The following EIF4G3 variants were observed in gnomAD, a reference collection of about 807,000 sequenced individuals.
EIF4G3 encodes the protein eukaryotic translation initiation factor 4 gamma 3.
Under a neutral mutation model 186.4 loss-of-function variants are expected in EIF4G3, and 34 were observed. The observed-to-expected ratio is 0.18, with a 90% CI of 0.14 to 0.24. EIF4G3 has a LOEUF of 0.24. Ranked by LOEUF, EIF4G3 falls within the 10% of genes least tolerant of loss-of-function variation. The pLI is 1.00. For missense variants in EIF4G3, 1,536 were observed against 1,948.5 expected (o/e 0.79, Z 3.99); for synonymous variants, 673 against 679.5 (o/e 0.99, Z 0.15).
In EIF4G3 at chr1:20,817,524, T is replaced by A. The variant is rs770505543; in HGVS notation, c.4383A>T (p.Ile1461=). 6.3e-7 allele frequency: 1 copy of A among 1,595,086 alleles called. No homozygotes were observed. Among genetic ancestry groups the A allele is most frequent in the Non-Finnish European group, 8.5e-7 (1 of 1,170,078 alleles). ...CAGAGGAACAGGGACTGTCAGACTC[T>A]ATGAAGTCCAACTTCTGAAACATAA... ...NFLLEQKLDF[I]ESDSPCSSEA... The change falls in exon 34 of 37, where the codon ATA becomes ATT. Residue 1461 remains isoleucine, a synonymous_variant. Transcript: ENST00000602326.
chr1:21,020,727 C>T (rs2090481337), intron 4 of EIF4G3, among the ~76,000 whole-genome samples: 1 of 151,980 alleles, frequency 6.6e-6, no homozygotes, highest in Admixed American at 6.6e-5. Flanking sequence ...AAATATAAAT[C>T]CCATTAAATA....
chr1:21,048,670 T>G (rs964466), intron 4 of EIF4G3, among the ~76,000 whole-genome samples: 59,847 of 151,828 alleles, frequency 0.39, 12,496 homozygotes, highest in Middle Eastern at 0.53. Context: ...CTAAGAAACC[T>G]CCCTGCGAAC....
At chr1:20,831,119 A>G (rs202128617) in intron 30 of EIF4G3, among the ~76,000 whole-genome samples, 7 of 151,868 alleles carry the variant, frequency 4.6e-5, no homozygotes, top group Non-Finnish European at 1.0e-4. Context: ...GGAAAAAACC[A>G]CAGCCACTGG....
At chr1:20,911,226 C>T (rs1572640921) in intron 14 of EIF4G3, among the ~76,000 whole-genome samples, 1 of 151,756 alleles carries the variant, frequency 6.6e-6, no homozygotes. Context: ...CATTTTATAC[C>T]CGAAAAAACG....
At chr1:20,878,090 C>T (rs534555669) in intron 20 of EIF4G3, among the ~76,000 whole-genome samples, 4 of 152,286 alleles carry the variant, frequency 2.6e-5, no homozygotes, top group East Asian at 1.9e-4. Context: ...TGGTCTCAAA[C>T]TCCTGATCTC....
chr1:21,004,362 G>A (rs1419200869), intron 4 of EIF4G3, among the ~76,000 whole-genome samples: 1 of 152,044 alleles, frequency 6.6e-6, no homozygotes, highest in African/African-American at 2.4e-5. Context: ...TATACTGTGT[G>A]CTACTGAATA....
chr1:21,075,727 A>G (rs2095571337), intron 3 of EIF4G3, among the ~76,000 whole-genome samples: 1 of 152,026 alleles, frequency 6.6e-6, no homozygotes. Flanking sequence ...TGTAAAACAG[A>G]CAGAAAAGGT....
chr1:21,079,349 G>C (rs1289028585), intron 3 of EIF4G3, among the ~76,000 whole-genome samples: 2 of 151,954 alleles, frequency 1.3e-5, no homozygotes, highest in African/African-American at 2.4e-5. Flanking sequence ...AAAGAATCAA[G>C]ATTTTATAAA....
At chr1:20,815,027 C>T (rs1167797849) in intron 34 of EIF4G3, among the ~76,000 whole-genome samples, 8 of 74,348 alleles carry the variant, frequency 1.1e-4, no homozygotes, top group African/African-American at 3.9e-4. Flanking sequence ...GCGAGTGATC[C>T]GCCAGCCTCG....
chr1:21,051,884 TA>T (rs1424688022), intron 3 of EIF4G3, among the ~76,000 whole-genome samples: 1 of 152,068 alleles, frequency 6.6e-6, no homozygotes, highest in African/African-American at 2.4e-5. Flanking sequence ...AAAAAATTTT[TA>T]AAAAGGACAT....
intron 33 of EIF4G3, among the ~76,000 whole-genome samples, chr1:20,822,009 C>G (rs989328133): frequency 1.3e-5 from 2 of 151,960 alleles, no homozygotes; most frequent in African/African-American, 4.8e-5. Flanking sequence ...TCCTGAGTAG[C>G]TGGGATTACA....
chr1:20,820,033 C>A (rs973871524), intron 33 of EIF4G3, among the ~76,000 whole-genome samples: 2 of 152,256 alleles, frequency 1.3e-5, no homozygotes, highest in South Asian at 4.1e-4. Flanking sequence ...GGAGCCCTGC[C>A]CCTTCTGAGT....
intron 2 of EIF4G3, among the ~76,000 whole-genome samples, chr1:21,140,426 G>A (rs759603639): frequency 1.7e-4 from 26 of 152,136 alleles, no homozygotes; most frequent in African/African-American, 5.5e-4. Flanking sequence ...TGGGCCTCCC[G>A]CCTCAGCCCC....
chr1:21,093,914 T>C (rs1174104667), intron 2 of EIF4G3, among the ~76,000 whole-genome samples: 1 of 151,804 alleles, frequency 6.6e-6, no homozygotes, highest in East Asian at 1.9e-4. Context: ...TGAGAACACT[T>C]GGACACAGGA....
chr1:20,898,860 A>C (rs954953209), intron 16 of EIF4G3, among the ~76,000 whole-genome samples: 3 of 152,204 alleles, frequency 2.0e-5, no homozygotes, highest in African/African-American at 7.2e-5. Context: ...CTTCCCAAGT[A>C]GCTGAAATTA....
intron 14 of EIF4G3, among the ~76,000 whole-genome samples, chr1:20,939,401 C>T (rs995472148): frequency 1.3e-5 from 2 of 152,138 alleles, no homozygotes; most frequent in Admixed American, 6.5e-5. Flanking sequence ...CTGGTGTTCA[C>T]AATACTAATA....
At chr1:20,954,485 G>A (rs1475665079) in intron 12 of EIF4G3, among the ~76,000 whole-genome samples, 2 of 133,674 alleles carry the variant, frequency 1.5e-5, no homozygotes, top group Admixed American at 8.7e-5. Flanking sequence ...GCAGTGAGCC[G>A]AGATCGCGCC....
chr1:21,017,359 T>C (rs1330540786), intron 4 of EIF4G3, among the ~76,000 whole-genome samples: 1 of 151,992 alleles, frequency 6.6e-6, no homozygotes, highest in African/African-American at 2.4e-5. Flanking sequence ...CCGGGCGCAG[T>C]GGCTCACGCC....
At chr1:20,905,101 G>A in intron 14 of EIF4G3, 130 bp from the exon 15 acceptor site, 2 of 598,184 alleles carry the variant, frequency 3.3e-6, no homozygotes. Context: ...CAAATAGTTG[G>A]CTGATCAAGT....
Sources: allele counts gnomAD v4.1 joint callset (sites outside exome capture counted in the v4.1 genomes callset), GRCh38; gene constraint gnomAD v4.1.1; transcripts MANE v1.5; gene names NCBI Gene and HGNC (gene_info 2026-07-23, HGNC 2026-07-21).